The following USH2A variants were observed in gnomAD, a reference collection of about 807,000 sequenced individuals.
USH2A encodes the protein Usher syndrome 2A (autosomal recessive, mild).
A neutral mutation model predicts 538.9 loss-of-function variants in USH2A; 443 were observed. The ratio of observed to expected loss-of-function variants is 0.82; its 90% confidence interval spans 0.76 to 0.89. The LOEUF is 0.89. Among genes scored for constraint, USH2A ranks in the 40% least tolerant of loss-of-function variants. USH2A has a pLI of 0.00. For missense variants in USH2A, 6,633 were observed against 6,324.8 expected, an observed-to-expected ratio of 1.05 and a Z score of -1.65; for synonymous variants, 2,413 against 2,273.5, an observed-to-expected ratio of 1.06 and a Z score of -1.75.
chr1:216,272,641 T>C (rs936898762), intron 11 of USH2A, among the ~76,000 whole-genome samples: 4 of 152,126 alleles, frequency 2.6e-5, no homozygotes, highest in Non-Finnish European at 4.4e-5. Flanking sequence ...TCATTTTTAG[T>C]TCCTTTCTTC....
At chr1:215,705,651 T>C (rs1373203037) in intron 61 of USH2A, among the ~76,000 whole-genome samples, 1 of 152,206 alleles carries the variant, frequency 6.6e-6, no homozygotes, top group Non-Finnish European at 1.5e-5. Flanking sequence ...CTAGCCCATT[T>C]ACTTGAGCAA....
At position 216,207,443 on chromosome 1, in the gene USH2A, T is replaced by A; in HGVS notation, c.3158-12A>T. 6.2e-7 allele frequency: 1 copy of A among 1,613,820 alleles called. No homozygotes were observed. Among genetic ancestry groups the A allele is most frequent in the Non-Finnish European group, 8.5e-7 (1 of 1,179,864 alleles). On this transcript the variant is annotated splice_polypyrimidine_tract_variant and intron_variant, in intron 15 of 71. Transcript: ENST00000307340. ...TTGCTGGAATGGAGCTAAATTACAA[T>A]GAAGAGAGCATTTATTAGCAAAGCA...
chr1:215,741,240 A>G (rs2102725378), intron 60 of USH2A, 135 bp downstream of exon 60: 1 of 1,134,188 alleles, frequency 8.8e-7, no homozygotes. Flanking sequence ...ACAAACATAC[A>G]AAACAAAACA....
At chr1:216,263,084 A>C (rs77206756) in intron 11 of USH2A, among the ~76,000 whole-genome samples, 3,986 of 152,206 alleles carry the variant, frequency 0.026, 168 homozygotes, top group African/African-American at 0.086. Flanking sequence ...CCAAGGAGGA[A>C]TAGAACACTG....
chr1:215,993,061 T>G lies in USH2A; in HGVS notation c.6764A>C (p.Asp2255Ala). ...CTCAGTCCAGGAGACATTAAAGGAG[T>G]CAGGTGAATATGAGTGGGCTTTGGG... ...PAPKAHSYSPDSFNVSWTEPE... is the reference protein window; with the variant it reads ...PAPKAHSYSPASFNVSWTEPE... The change falls in exon 35 of 72, where the codon GAC becomes GCC. Residue 2255 changes from aspartate (D) to alanine (A), a missense_variant. Asp to Ala is a moderately radical substitution (Grantham distance 126, BLOSUM62 -2). Coordinates refer to ENST00000307340, the MANE Select transcript of USH2A (RefSeq NM_206933.4). The G allele has an allele frequency of 6.2e-7, 1 of 1,613,956 alleles. No homozygotes were observed.
chr1:215,817,048 A>T lies in USH2A; in HGVS notation c.9519T>A (p.Cys3173Ter). ...GTCCACAGATAGATTCAGGTTTTTG[A>T]CACCTCACTGCCTTGCAGAGCTCAT... ...QSDELCKAVRCQKPESICGHI... is the reference protein window; with the variant it reads ...QSDELCKAVR The change falls in exon 48 of 72, where the codon TGT (cysteine) becomes TGA (stop). Residue 3173 changes from cysteine (C) to a stop codon, truncating the protein, a stop_gained. Transcript: ENST00000307340. LOFTEE classifies it high-confidence loss of function. The T allele has an allele frequency of 6.2e-7, 1 of 1,612,716 alleles. No homozygotes were observed. The highest frequency in any genetic ancestry group is 8.5e-7 in the Non-Finnish European group (1 of 1,178,998).
intron 30 of USH2A, among the ~76,000 whole-genome samples, chr1:216,049,459 A>C (rs1282574905): frequency 6.6e-6 from 1 of 152,208 alleles, no homozygotes; most frequent in Admixed American, 6.5e-5. Context: ...AATTAAAAAA[A>C]ATCCAAAATA....
intron 49 of USH2A, among the ~76,000 whole-genome samples, chr1:215,809,343 T>A (rs1216345483): frequency 6.6e-6 from 1 of 152,026 alleles, no homozygotes; most frequent in African/African-American, 2.4e-5. Context: ...AAGCCAATAC[T>A]TTTTTTTAAA....
chr1:215,876,335 T>A (rs1477108570), intron 43 of USH2A, among the ~76,000 whole-genome samples: 1 of 152,212 alleles, frequency 6.6e-6, no homozygotes, highest in Non-Finnish European at 1.5e-5. Flanking sequence ...TCTCTGAGAA[T>A]CTTACAAGAA....
intron 64 of USH2A, among the ~76,000 whole-genome samples, chr1:215,656,094 C>A (rs916066095): frequency 7.2e-5 from 11 of 152,294 alleles, no homozygotes; most frequent in African/African-American, 2.6e-4. Flanking sequence ...TTATCACATT[C>A]CCATAAGGGG....
At chr1:215,877,928 T>C in intron 42 of USH2A, 48 bp from the exon 43 acceptor site, 2 of 1,612,406 alleles carry the variant, frequency 1.2e-6, no homozygotes, top group Non-Finnish European at 1.7e-6. Context: ...CAACTCATAT[T>C]GAGATTACCA....
At position 216,217,405 on chromosome 1, in the gene USH2A, G is replaced by C. The variant is rs727503735; in HGVS notation, c.3139C>G (p.Leu1047Val). The C allele has an allele frequency of 9.8e-5, 158 of 1,612,940 alleles. 1 individual carries two copies. The highest frequency in any genetic ancestry group is 1.2e-4 in the Admixed American group (7 of 59,910). ...PSASHLDVNN[L>V]LGCSKTPFQQ... ...CACTTACTTTTGCTGCAACCCAATAGATTGTTGACATCCAAGTGGCTTGCA... is the reference window on the plus strand; with the variant it reads ...CACTTACTTTTGCTGCAACCCAATACATTGTTGACATCCAAGTGGCTTGCA... Residue 1047 changes from leucine (L) to valine (V), a missense_variant, in exon 15 of 72, where the codon CTA (leucine) becomes GTA (valine). Transcript: ENST00000307340.
chr1:215,954,166 G>C (rs1226900109), intron 37 of USH2A, among the ~76,000 whole-genome samples: 1 of 152,074 alleles, frequency 6.6e-6, no homozygotes, highest in East Asian at 1.9e-4. Flanking sequence ...CGATTCCTCA[G>C]GGATCTAGAA....
chr1:216,081,868 A>G (rs1272808281), intron 26 of USH2A, among the ~76,000 whole-genome samples: 3 of 151,974 alleles, frequency 2.0e-5, no homozygotes, highest in Non-Finnish European at 1.5e-5. Flanking sequence ...AAGTGCTGGA[A>G]TTATAGGGGT....
Position 215,904,189 on chromosome 1 carries a change from A to T in USH2A, c.7301-3284T>A, listed in dbSNP as rs148180607. Among the ~76,000 whole-genome samples the T allele has an allele frequency of 5.6e-3, 852 of 152,192 alleles. 30 individuals carry two copies. The highest frequency in any genetic ancestry group is 0.05 in the Admixed American group (767 of 15,272). On this transcript the variant is annotated intron_variant, in intron 38 of 71. Transcript: ENST00000307340. ...TTGAAAATCCAAATTCTGAATTTCA[A>T]GTCATTAGCCCTGAAAAAATTAGTT...
At chr1:215,759,889 A>T in intron 56 of USH2A, 46 bp from the exon 57 acceptor site, 1 of 1,611,106 alleles carries the variant, frequency 6.2e-7, no homozygotes. Flanking sequence ...GAGAAAATAA[A>T]CAGTGTATCA....
chr1:215,665,506 G>C (rs915057325), intron 64 of USH2A, among the ~76,000 whole-genome samples: 13 of 152,172 alleles, frequency 8.5e-5, no homozygotes, highest in African/African-American at 3.1e-4. Flanking sequence ...TCCGTGGTGA[G>C]TCTTTGCCTT....
chr1:215,651,594 C>T (rs79022377), intron 64 of USH2A, among the ~76,000 whole-genome samples: 1,650 of 151,192 alleles, frequency 0.011, 39 homozygotes, highest in South Asian at 0.07. Flanking sequence ...AATTTGCCCC[C>T]GAGCTTTTAA....
At chr1:216,367,305 A>G (rs1440869667) in intron 3 of USH2A, among the ~76,000 whole-genome samples, 2 of 152,218 alleles carry the variant, frequency 1.3e-5, no homozygotes, top group African/African-American at 4.8e-5. Flanking sequence ...GAGGGACAGA[A>G]GTTAGAAATG....
Sources: gnomAD v4.1 joint callset for allele counts (sites outside exome capture counted in the v4.1 genomes callset) on GRCh38, gnomAD v4.1.1 for gene constraint, MANE v1.5 for transcripts, NCBI Gene and HGNC (gene_info 2026-07-23, HGNC 2026-07-21) for gene names.